Variants in RNF145 observed in about 807,000 individuals in gnomAD.
RNF145 encodes ring finger protein 145.
Under a neutral mutation model 57.3 loss-of-function variants are expected in RNF145, and 12 were observed. The observed-to-expected ratio is 0.21, with a 90% CI of 0.13 to 0.34. The LOEUF (loss-of-function observed/expected upper bound fraction) is 0.34, where lower values mean the gene tolerates loss of function less well. Ranked by LOEUF, RNF145 falls within the 10% of genes least tolerant of loss-of-function variation. The pLI, the probability that RNF145 is intolerant of heterozygous loss-of-function variation, is 1.00. For missense variants in RNF145, 429 were observed against 799.0 expected (o/e 0.54, Z 5.58); for synonymous variants, 262 against 288.3 (o/e 0.91, Z 0.92).
chr5:159,206,793 A>G (rs1785901851), intron 1 of RNF145, among the ~76,000 whole-genome samples: 1 of 152,206 alleles, frequency 6.6e-6, no homozygotes, highest in African/African-American at 2.4e-5. Flanking sequence ...CCAAAGCCAA[A>G]TACATAAACT....
intron 3 of RNF145, among the ~76,000 whole-genome samples, chr5:159,188,577 G>GA (rs1785171954): frequency 6.6e-6 from 1 of 152,028 alleles, no homozygotes. Flanking sequence ...ATTAGCACTA[G>GA]AAAAATACAT....
At chr5:159,161,144 A>G (rs1050940730) in intron 10 of RNF145, 122 bp downstream of exon 10, 1 of 624,196 alleles carries the variant, frequency 1.6e-6, no homozygotes, top group East Asian at 2.7e-5. Context: ...TCTGAGGTCC[A>G]TTTTTTTTAA....
At chr5:159,206,276 C>T (rs1485399991) in intron 1 of RNF145, among the ~76,000 whole-genome samples, 1 of 152,132 alleles carries the variant, frequency 6.6e-6, no homozygotes, top group Non-Finnish European at 1.5e-5. Flanking sequence ...GCATTTATTT[C>T]TATACGTGAA....
intron 1 of RNF145, chr5:159,207,350 C>T: frequency 3.3e-6 from 2 of 611,746 alleles, no homozygotes; most frequent in Non-Finnish European, 5.6e-6. Flanking sequence ...AAAAATACAC[C>T]TCCTAAACTT....
chr5:159,186,871 T>A (rs1785076696), intron 3 of RNF145, among the ~76,000 whole-genome samples: 1 of 152,202 alleles, frequency 6.6e-6, no homozygotes, highest in South Asian at 2.1e-4. Context: ...CAATCCAAGC[T>A]ACTTGGGAGG....
intron 3 of RNF145, among the ~76,000 whole-genome samples, chr5:159,189,226 T>C (rs1323964333): frequency 6.6e-6 from 1 of 152,128 alleles, no homozygotes; most frequent in Admixed American, 6.5e-5. Context: ...GGGACTTGTA[T>C]CTAGAATATA....
chr5:159,201,735 A>T (rs570744291), intron 2 of RNF145, among the ~76,000 whole-genome samples: 2 of 152,224 alleles, frequency 1.3e-5, no homozygotes, highest in African/African-American at 2.4e-5. Context: ...TTTTATATTT[A>T]CTTATATATA....
chr5:159,194,830 C>T lies in RNF145; in HGVS notation c.185-6G>A, dbSNP rs757439520. ...CACCACACTTAAGATATAACCTGTA[C>T]CAGAAAGATAAATAAAATACAATTT... is the stretch of plus-strand genomic sequence containing the variant. On this transcript the variant is annotated splice_polypyrimidine_tract_variant and splice_region_variant and intron_variant, in intron 2 of 10. Transcript: ENST00000424310. 2.6e-6 allele frequency: 4 copies of T among 1,548,666 alleles called. No homozygotes were observed. The highest frequency in any genetic ancestry group is 2.3e-5 in the South Asian group (2 of 85,178).
Position 159,158,764 on chromosome 5 carries a change from A to G in RNF145, c.1898T>C (p.Ile633Thr). The change falls in exon 11 of 11, where the codon ATT (isoleucine) becomes ACT (threonine). Residue 633 changes from isoleucine to threonine, a missense_variant. Physicochemically the swap from Ile to Thr is moderately conservative, Grantham distance 89. Around this residue, in one of 4 missense-constraint regions of RNF145, gnomAD observed 102 missense variants for 106.2 expected, o/e 0.96. Transcript: ENST00000424310. ...QEGSRDNNEY[I>T]ARRPDNQEGA... ...TTCCTGGTTATCTGGTCGTCTGGCA[A>G]TGTACTCATTATTGTCCCTGGAACC... 6.2e-7 allele frequency: 1 copy of G among 1,613,900 alleles called. No homozygotes were observed. The highest frequency in any genetic ancestry group is 8.5e-7 in the Non-Finnish European group (1 of 1,179,838).
Position 159,165,958 on chromosome 5 carries a change from G to A in RNF145, c.1122-2879C>T, listed in dbSNP as rs141130970. Among the ~76,000 whole-genome samples the A allele has an allele frequency of 3.7e-4, 57 of 152,272 alleles. 2 individuals carry two copies. Among genetic ancestry groups the A allele is most frequent in the African/African-American group, 1.3e-3 (54 of 41,562 alleles). ...TCTACATGTCTCCTACTGTACACAT[G>A]CAAGAGTCTTTGAATATATACCTAT... On this transcript the variant is annotated intron_variant, in intron 8 of 10. Transcript: ENST00000424310.
chr5:159,201,215 C>A (rs1785653171), intron 2 of RNF145, among the ~76,000 whole-genome samples: 1 of 152,128 alleles, frequency 6.6e-6, no homozygotes, highest in Non-Finnish European at 1.5e-5. Context: ...TACATAGTTC[C>A]ACAGGGTCAC....
chr5:159,177,316 T>C (rs1784750357), intron 4 of RNF145, among the ~76,000 whole-genome samples: 1 of 152,134 alleles, frequency 6.6e-6, no homozygotes, highest in Non-Finnish European at 1.5e-5. Context: ...ATATTTGTTC[T>C]GATAATTTTT....
intron 9 of RNF145, among the ~76,000 whole-genome samples, chr5:159,162,463 T>C (rs1270067811): frequency 6.7e-6 from 1 of 148,386 alleles, no homozygotes; most frequent in East Asian, 1.9e-4. Context: ...AGTCTCGCTC[T>C]GTCGCCCAGG....
chr5:159,209,676 T>C, upstream of RNF145: 1 of 941,922 alleles, frequency 1.1e-6, no homozygotes, highest in Non-Finnish European at 1.4e-6. Flanking sequence ...CCGCACCGCC[T>C]CCGGTGCGTG....
upstream of RNF145, chr5:159,209,634 G>A (rs1428696332): frequency 5.7e-6 from 6 of 1,058,920 alleles, no homozygotes; most frequent in Admixed American, 9.0e-5. Flanking sequence ...GCGCGCCCGC[G>A]CTCACTCACA....
chr5:159,209,537 C>T lies in RNF145; in HGVS notation c.-346G>A. The T allele has an allele frequency of 1.2e-6, 1 of 810,308 alleles. No individual in the cohort carries two copies. Among genetic ancestry groups the T allele is most frequent in the Non-Finnish European group, 1.5e-6 (1 of 684,662 alleles). The allele number at this position is 810,308 out of a possible 1,614,324, so 50.2% of individuals were successfully genotyped here. On this transcript the variant is annotated 5_prime_UTR_variant, in exon 1 of 11. Coordinates refer to ENST00000424310, the MANE Select transcript of RNF145 (RefSeq NM_001199383.2). The stretch of plus-strand genomic sequence containing the variant: ...CATGGCCTCCTGCGTTTGCTCCTCC[C>T]GCCCCCGGCGCTCTGCGGCGGCCGC...
rs143641161 is a variant in RNF145 at position 159,207,701 on chromosome 5, A to C, written c.-40+1530T>G. ...TTACATAAGCAATGGCACATGTTTT[A>C]AATATAGCTGGTCCTCCCCACTCCC... is the stretch of plus-strand genomic sequence containing the variant. On this transcript the variant is annotated intron_variant, in intron 1 of 10. Transcript: ENST00000424310. 6.0e-3 allele frequency: 9,636 copies of C among 1,612,910 alleles called. 35 individuals carry two copies. The highest frequency in any genetic ancestry group is 0.017 in the Middle Eastern group (102 of 6,056).
At chr5:159,186,259 T>G (rs1785051997) in intron 3 of RNF145, among the ~76,000 whole-genome samples, 1 of 151,984 alleles carries the variant, frequency 6.6e-6, no homozygotes, top group African/African-American at 2.4e-5. Context: ...GAAAAGGGCC[T>G]CAGAGCTTGC....
At chr5:159,204,315 T>G (rs892793845) in intron 1 of RNF145, among the ~76,000 whole-genome samples, 2 of 151,710 alleles carry the variant, frequency 1.3e-5, no homozygotes, top group Non-Finnish European at 2.9e-5. Context: ...GATACACAGA[T>G]AAGCAGGCAC....
Sources: allele counts gnomAD v4.1 joint callset (sites outside exome capture counted in the v4.1 genomes callset), GRCh38; gene constraint gnomAD v4.1.1; regional missense constraint gnomAD v4.1.1; transcripts MANE v1.5; gene names NCBI Gene and HGNC (gene_info 2026-07-23, HGNC 2026-07-21).